VAMP7: variants seen among roughly 807,000 people sequenced by gnomAD.
VAMP7 encodes vesicle associated membrane protein 7.
A neutral mutation model predicts 29.6 loss-of-function variants in VAMP7; 14 were observed. The ratio of observed to expected loss-of-function variants is 0.47; its 90% CI spans 0.31 to 0.74. The LOEUF is 0.74. Among genes scored for constraint, VAMP7 ranks in the 30% least tolerant of loss-of-function variants. The pLI is 0.05. For missense variants in VAMP7, 223 were observed against 262.4 expected, an observed-to-expected ratio of 0.85 and a Z score of 1.04; for synonymous variants, 95 against 88.1, an observed-to-expected ratio of 1.08 and a Z score of -0.44.
chrX:155,901,528 C>A (rs1182252298), intron 5 of VAMP7, among the ~76,000 whole-genome samples: 1 of 151,836 alleles, frequency 6.6e-6, no homozygotes, highest in Non-Finnish European at 1.5e-5. Context: ...AAATTTAATC[C>A]ATCTTGAATT....
intron 5 of VAMP7, among the ~76,000 whole-genome samples, chrX:155,910,572 A>G (rs967725620): frequency 6.6e-6 from 1 of 151,642 alleles, no homozygotes; most frequent in Non-Finnish European, 1.5e-5. Context: ...CTTTCCCACC[A>G]ACAGTGTGTA....
At chrX:155,908,403 A>G (rs961926373) in intron 5 of VAMP7, among the ~76,000 whole-genome samples, 9 of 152,204 alleles carry the variant, frequency 5.9e-5, no homozygotes, top group African/African-American at 2.2e-4. Context: ...CCAAAAAAAT[A>G]CGAAAACCAG....
At chrX:155,938,255 A>G (rs1297608230) in intron 6 of VAMP7, among the ~76,000 whole-genome samples, 2 of 152,140 alleles carry the variant, frequency 1.3e-5, no homozygotes, top group African/African-American at 4.8e-5. Flanking sequence ...GTCAATGCAT[A>G]TATTCTATTC....
chrX:155,886,456 A>G (rs2065866641), intron 1 of VAMP7, among the ~76,000 whole-genome samples: 4 of 152,310 alleles, frequency 2.6e-5, no homozygotes, highest in African/African-American at 9.6e-5. Context: ...TTTTATTGGA[A>G]GAAACACTAC....
intron 5 of VAMP7, among the ~76,000 whole-genome samples, chrX:155,907,166 C>T (rs779646643): frequency 3.2e-4 from 48 of 151,954 alleles, no homozygotes; most frequent in African/African-American, 1.1e-3. Flanking sequence ...GGTGTATAGT[C>T]CTTTTTGCAT....
chrX:155,926,117 T>C (rs1034968517), intron 6 of VAMP7, among the ~76,000 whole-genome samples: 2 of 152,180 alleles, frequency 1.3e-5, no homozygotes, highest in Non-Finnish European at 2.9e-5. Flanking sequence ...TTACGGGCCC[T>C]AGATTTTCAG....
chrX:155,918,862 A>G (rs1208249768), intron 5 of VAMP7, among the ~76,000 whole-genome samples: 4 of 152,056 alleles, frequency 2.6e-5, no homozygotes, highest in Non-Finnish European at 4.4e-5. Context: ...TCTCTATTCT[A>G]TTGATGGAAT....
Position 155,939,162 on chromosome X carries a change from C to T in VAMP7, c.502-539C>T, listed in dbSNP as rs150301709. Among the ~76,000 whole-genome samples the T allele has an allele frequency of 8.4e-4, 128 of 152,200 alleles. 1 individual carries two copies. The East Asian group carries it at 0.019, about 23-fold the overall frequency. On this transcript the variant is annotated intron_variant, in intron 6 of 7. Coordinates refer to ENST00000286448, the MANE Select transcript of VAMP7 (RefSeq NM_005638.6). ...TGGTTGTTTGCCATTTTGTTTTAAACTCCTTGTGTCCTGGTGGGAATTGTT... is the reference window on the plus strand; with the variant it reads ...TGGTTGTTTGCCATTTTGTTTTAAATTCCTTGTGTCCTGGTGGGAATTGTT...
At chrX:155,928,860 T>A (rs2066508309) in intron 6 of VAMP7, among the ~76,000 whole-genome samples, 1 of 152,198 alleles carries the variant, frequency 6.6e-6, no homozygotes, top group South Asian at 2.1e-4. Context: ...ACCTGTTGAA[T>A]CACACAGCTA....
intron 3 of VAMP7, 151 bp downstream of exon 3, chrX:155,895,831 G>C: frequency 1.7e-6 from 1 of 590,848 alleles, no homozygotes; most frequent in Non-Finnish European, 3.1e-6. Flanking sequence ...AGCAGGAGGT[G>C]AGTGGCCTAT....
chrX:155,935,037 C>T (rs1046463326), intron 6 of VAMP7, among the ~76,000 whole-genome samples: 1 of 152,212 alleles, frequency 6.6e-6, no homozygotes, highest in Non-Finnish European at 1.5e-5. Flanking sequence ...CCCCCACTCT[C>T]TTCTGGCTTG....
intron 1 of VAMP7, among the ~76,000 whole-genome samples, chrX:155,883,898 A>C (rs2124210667): frequency 6.6e-6 from 1 of 151,572 alleles, no homozygotes; most frequent in African/African-American, 2.4e-5. Flanking sequence ...TATTTTTAGT[A>C]GAGACGGGAT....
intron 5 of VAMP7, among the ~76,000 whole-genome samples, chrX:155,904,375 A>T (rs993540489): frequency 7.1e-5 from 7 of 98,838 alleles, no homozygotes; most frequent in African/African-American, 4.8e-5. Context: ...TAAAATAAAA[A>T]AAGCAAATTT....
chrX:155,890,829 T>C (rs188077112), intron 2 of VAMP7, among the ~76,000 whole-genome samples: 88 of 152,336 alleles, frequency 5.8e-4, no homozygotes, highest in Non-Finnish European at 9.6e-4. Context: ...TATCTCAGAA[T>C]GAGGTCCTTA....
chrX:155,922,399 T>A (rs946711237), intron 6 of VAMP7, among the ~76,000 whole-genome samples: 12 of 152,076 alleles, frequency 7.9e-5, no homozygotes, highest in Non-Finnish European at 1.5e-4. Flanking sequence ...CTTTAATAGG[T>A]GGAAGAATTC....
At chrX:155,894,963 G>C (rs1280668820) in intron 2 of VAMP7, among the ~76,000 whole-genome samples, 2 of 151,940 alleles carry the variant, frequency 1.3e-5, no homozygotes, top group African/African-American at 4.8e-5. Context: ...TATTCTTCAG[G>C]TCTTAAATCA....
intron 6 of VAMP7, among the ~76,000 whole-genome samples, chrX:155,930,621 G>T (rs1486092021): frequency 3.3e-5 from 5 of 151,220 alleles, no homozygotes; most frequent in African/African-American, 1.2e-4. Flanking sequence ...CTGCATTCCA[G>T]GCTGGGTTAC....
chrX:155,919,901 T>C, intron 6 of VAMP7, 21 bp downstream of exon 6: 1 of 1,584,026 alleles, frequency 6.3e-7, no homozygotes, highest in South Asian at 1.1e-5. Context: ...AATCTGATAA[T>C]ATGGAGTCTG....
intron 6 of VAMP7, among the ~76,000 whole-genome samples, chrX:155,933,601 CTTTA>C (rs982992882): frequency 2.4e-4 from 36 of 152,020 alleles, no homozygotes; most frequent in African/African-American, 8.5e-4. Context: ...CTCTTTTCTT[CTTTA>C]TTAGTCTTGC....
Sources: gnomAD v4.1 joint callset for allele counts (sites outside exome capture counted in the v4.1 genomes callset) on GRCh38, gnomAD v4.1.1 for gene constraint, MANE v1.5 for transcripts, NCBI Gene and HGNC (gene_info 2026-07-23, HGNC 2026-07-21) for gene names.